The following PDS5B variants were observed in gnomAD, a reference collection of about 807,000 sequenced individuals.
PDS5B encodes the protein PDS5 cohesin associated factor B.
A neutral mutation model predicts 184.1 loss-of-function variants in PDS5B; 51 were observed. The observed-to-expected ratio is 0.28, with a 90% CI of 0.22 to 0.35. The LOEUF (loss-of-function observed/expected upper bound fraction) is 0.35. Ranked by LOEUF, PDS5B falls within the 10% of genes least tolerant of loss-of-function variation. The probability of loss-of-function intolerance (pLI) is 1.00; values close to 1 mark genes in which losing one functional copy is unlikely to be tolerated. For synonymous variants in PDS5B, 566 were observed against 569.2 expected (o/e 0.99, Z 0.08); for missense variants, 1,180 against 1,723.3 (o/e 0.68, Z 5.58).
intron 1 of PDS5B, among the ~76,000 whole-genome samples, chr13:32,637,185 G>A (rs2058576414): frequency 7.0e-6 from 1 of 142,238 alleles, no homozygotes; most frequent in South Asian, 2.2e-4. Flanking sequence ...GTTGGATGTG[G>A]TGTAGATTTA....
chr13:32,675,560 A>G lies in PDS5B; in HGVS notation c.847-284A>G, dbSNP rs137929567. ...ATTTTTTATTTTAACTCTGAATAGA[A>G]ATAAACTTTAATTGTAGGAGGGGCC... On this transcript the variant is annotated intron_variant, in intron 8 of 34. Coordinates refer to ENST00000315596, the MANE Select transcript of PDS5B (RefSeq NM_015032.4). Among the ~76,000 whole-genome samples, 27 of 152,354 alleles carry G rather than the reference A, an allele frequency of 1.8e-4. 1 individual carries two copies. The highest frequency in any genetic ancestry group is 6.3e-4 in the African/African-American group (26 of 41,588).
chr13:32,643,711 G>A (rs1208683427), intron 1 of PDS5B, among the ~76,000 whole-genome samples: 2 of 152,230 alleles, frequency 1.3e-5, no homozygotes, highest in East Asian at 3.9e-4. Context: ...GTACAGGTTT[G>A]TAGCCTAGAA....
intron 1 of PDS5B, among the ~76,000 whole-genome samples, chr13:32,615,520 G>A (rs751771135): frequency 2.0e-5 from 3 of 152,114 alleles, no homozygotes; most frequent in Admixed American, 1.3e-4. Flanking sequence ...TACTGGGATC[G>A]ATTGTACTTT....
intron 15 of PDS5B, 40 bp from the exon 16 acceptor site, chr13:32,699,690 A>T (rs1048032557): frequency 2.5e-6 from 3 of 1,178,524 alleles, no homozygotes; most frequent in Non-Finnish European, 2.3e-6. Flanking sequence ...TTTAAGAATT[A>T]AAAAAAATTG....
chr13:32,599,849 A>T (rs2057945201), intron 1 of PDS5B, among the ~76,000 whole-genome samples: 1 of 152,020 alleles, frequency 6.6e-6, no homozygotes, highest in Non-Finnish European at 1.5e-5. Flanking sequence ...TGGGAGGCGG[A>T]GCTTGCAGTG....
chr13:32,646,898 T>C (rs979328748), intron 1 of PDS5B, among the ~76,000 whole-genome samples: 1 of 152,198 alleles, frequency 6.6e-6, no homozygotes, highest in Non-Finnish European at 1.5e-5. Flanking sequence ...AGTTATATTC[T>C]TTCTCTGCTT....
Position 32,678,140 on chromosome 13 carries a change from A to T in PDS5B, c.963-695A>T, listed in dbSNP as rs182797318. On this transcript the variant is annotated intron_variant, in intron 9 of 34. Transcript: ENST00000315596. The stretch of plus-strand genomic sequence containing the variant: ...ACAATTAGCGAAATCTAAATTATGG[A>T]ATAAAACCATACACATATACAGCAG... Among the ~76,000 whole-genome samples, 287 of 152,326 alleles carry T rather than the reference A, an allele frequency of 1.9e-3. 1 individual carries two copies. Among genetic ancestry groups the T allele is most frequent in the Non-Finnish European group, 2.4e-3 (165 of 68,010 alleles).
chr13:32,685,946 C>G (rs1009326013), intron 11 of PDS5B, among the ~76,000 whole-genome samples: 2 of 152,094 alleles, frequency 1.3e-5, no homozygotes, highest in East Asian at 1.9e-4. Flanking sequence ...GGCCTGAAAT[C>G]TTATAAGACC....
intron 22 of PDS5B, among the ~76,000 whole-genome samples, chr13:32,742,378 C>T (rs1334552458): frequency 6.6e-6 from 1 of 152,088 alleles, no homozygotes; most frequent in African/African-American, 2.4e-5. Context: ...CAGCAAAGAA[C>T]AAACTAGTCT....
In PDS5B at chr13:32,770,652, A is replaced by G. The variant is rs1954751488; in HGVS notation, c.4065-2A>G. The G allele has an allele frequency of 6.2e-7, 1 of 1,608,872 alleles. No individual in the cohort carries two copies. The highest frequency in any genetic ancestry group is 8.5e-7 in the Non-Finnish European group (1 of 1,178,036). On this transcript the variant is annotated splice_acceptor_variant, in intron 32 of 34. Transcript: ENST00000315596. LOFTEE classifies it high-confidence loss of function. The stretch of plus-strand genomic sequence containing the variant: ...TCCACATTTGGGTCTTCCCCAAAGC[A>G]GAGCAGAATCTCCTGAATCTAGTGC...
chr13:32,731,614 C>T (rs1448513392), intron 19 of PDS5B, among the ~76,000 whole-genome samples: 1 of 150,844 alleles, frequency 6.6e-6, no homozygotes, highest in African/African-American at 2.5e-5. Flanking sequence ...ATATTGGAGC[C>T]TTTTAATAGT....
intron 7 of PDS5B, among the ~76,000 whole-genome samples, chr13:32,668,541 G>A (rs986701074): frequency 2.0e-5 from 3 of 152,038 alleles, no homozygotes; most frequent in Non-Finnish European, 4.4e-5. Context: ...GATTTAGGTG[G>A]CAGTATTCAT....
At chr13:32,722,321 G>C (rs1048512323) in intron 19 of PDS5B, among the ~76,000 whole-genome samples, 2 of 152,246 alleles carry the variant, frequency 1.3e-5, no homozygotes, top group Admixed American at 1.3e-4. Context: ...GTCCAGCCTC[G>C]GCAACAGAGG....
chr13:32,596,412 TTC>T (rs2057871388), intron 1 of PDS5B, among the ~76,000 whole-genome samples: 1 of 152,208 alleles, frequency 6.6e-6, no homozygotes, highest in African/African-American at 2.4e-5. Context: ...ACAGTTTATC[TTC>T]TGTTGATGGA....
At position 32,760,619 on chromosome 13, in the gene PDS5B, A is replaced by G. The variant is rs754924222; in HGVS notation, c.3417A>G (p.Ser1139=). The change falls in exon 30 of 35, where the codon TCA becomes TCG. Residue 1139 remains serine, a synonymous_variant. Coordinates refer to ENST00000315596, the MANE Select transcript of PDS5B (RefSeq NM_015032.4). The part of the protein sequence containing the change: ...NVLGAVNKPL[S]SAGKQSQTKS... ...TAGGAGCTGTTAACAAGCCACTTTCATCAGCAGGCAAGCAATCTCAGACCA... is the reference window on the plus strand; with the variant it reads ...TAGGAGCTGTTAACAAGCCACTTTCGTCAGCAGGCAAGCAATCTCAGACCA... 5.6e-6 allele frequency: 9 copies of G among 1,614,062 alleles called. No individual in the cohort carries two copies. In the East Asian group the frequency reaches 1.3e-4, roughly 24 times the overall value.
intron 19 of PDS5B, among the ~76,000 whole-genome samples, chr13:32,721,632 C>T (rs1388077842): frequency 1.3e-4 from 19 of 151,068 alleles, no homozygotes; most frequent in African/African-American, 4.6e-4. Context: ...GTGCTCCTCA[C>T]ATCCCAGACG....
intron 22 of PDS5B, among the ~76,000 whole-genome samples, chr13:32,742,146 A>G (rs1327681997): frequency 1.3e-5 from 2 of 152,226 alleles, no homozygotes; most frequent in African/African-American, 2.4e-5. Context: ...TACTTCTTCA[A>G]AAGAATTCTT....
intron 1 of PDS5B, among the ~76,000 whole-genome samples, chr13:32,592,188 C>A (rs77830651): frequency 0.016 from 2,482 of 152,266 alleles, 66 homozygotes; most frequent in African/African-American, 0.056. Context: ...CTCCTCTTTT[C>A]CTGTCAGGCA....
intron 1 of PDS5B, among the ~76,000 whole-genome samples, chr13:32,620,959 C>T (rs1240390978): frequency 6.6e-6 from 1 of 152,164 alleles, no homozygotes; most frequent in Non-Finnish European, 1.5e-5. Flanking sequence ...CTACACTGGC[C>T]AACATAGTAA....
Sources: allele counts gnomAD v4.1 joint callset (sites outside exome capture counted in the v4.1 genomes callset), GRCh38; gene constraint gnomAD v4.1.1; transcripts MANE v1.5; gene names NCBI Gene and HGNC (gene_info 2026-07-23, HGNC 2026-07-21).